NRG1: variants seen among roughly 807,000 people sequenced by gnomAD.
The protein encoded by NRG1 is neuregulin 1, also known as pro-neuregulin-1, membrane-bound isoform.
NRG1 carries 18 observed loss-of-function variants against 63.8 expected under a neutral mutation model. The ratio of observed to expected loss-of-function variants is 0.28; its 90% CI spans 0.19 to 0.42. The LOEUF (loss-of-function observed/expected upper bound fraction) is 0.42. Among genes scored for constraint, NRG1 ranks in the 10% least tolerant of loss-of-function variants. NRG1 has a pLI of 1.00. For missense variants in NRG1, 762 were observed against 814.7 expected, an observed-to-expected ratio of 0.94 and a Z score of 0.79; for synonymous variants, 302 against 301.3, an observed-to-expected ratio of 1.00 and a Z score of -0.02.
At chr8:32,361,284 C>T (rs1807178760) in intron 1 of NRG1, among the ~76,000 whole-genome samples, 1 of 152,056 alleles carries the variant, frequency 6.6e-6, no homozygotes, top group African/African-American at 2.4e-5. Context: ...GTGTGTTTGG[C>T]ATTTCTTTAG....
At chr8:32,458,613 T>C (rs1821912355) in intron 1 of NRG1, among the ~76,000 whole-genome samples, 1 of 152,214 alleles carries the variant, frequency 6.6e-6, no homozygotes, top group Non-Finnish European at 1.5e-5. Flanking sequence ...ATTTTCATCA[T>C]GTGTAGATAT....
intron 5 of NRG1, among the ~76,000 whole-genome samples, chr8:32,625,879 G>T (rs1014257259): frequency 6.9e-6 from 1 of 145,362 alleles, no homozygotes; most frequent in East Asian, 2.1e-4. Flanking sequence ...CTGCAACCTC[G>T]GCCTCCCGGG....
At position 31,814,590 on chromosome 8, in the gene NRG1, T is replaced by A. The variant is rs181268882; in HGVS notation, c.37+175159T>A. Among the ~76,000 whole-genome samples the A allele has an allele frequency of 2.2e-4, 34 of 151,888 alleles. No individual in the cohort carries two copies. The East Asian group carries it at 5.0e-3, about 22-fold the overall frequency. ...CATTGTGATTGTTCACTGGGAATAT[T>A]ATATGGCTGTGTGTGCCACTGTCCG... is the stretch of plus-strand genomic sequence containing the variant. On this transcript the variant is annotated intron_variant, in intron 1 of 10. Coordinates refer to the NRG1 transcript ENST00000519301.
intron 1 of NRG1, among the ~76,000 whole-genome samples, chr8:31,893,304 T>C (rs1428939799): frequency 6.6e-6 from 1 of 151,412 alleles, no homozygotes; most frequent in South Asian, 2.1e-4. Flanking sequence ...AAATTTCATA[T>C]AGATTTTAAG....
At chr8:31,749,792 T>C (rs563366652) in intron 1 of NRG1, among the ~76,000 whole-genome samples, 1 of 151,808 alleles carries the variant, frequency 6.6e-6, no homozygotes, top group East Asian at 1.9e-4. Flanking sequence ...GGATTACATA[T>C]ATCAGATAGA....
At chr8:32,622,523 C>A (rs1848518864) in intron 5 of NRG1, among the ~76,000 whole-genome samples, 2 of 152,108 alleles carry the variant, frequency 1.3e-5, no homozygotes, top group Non-Finnish European at 2.9e-5. Flanking sequence ...CTTCCTCAGC[C>A]TCCCTAGTAG....
chr8:32,412,418 C>CATATATATATATATATGTATATATATATA (rs1413382224), intron 1 of NRG1, among the ~76,000 whole-genome samples: 1 of 62,190 alleles, frequency 1.6e-5, no homozygotes, highest in Non-Finnish European at 3.9e-5. Flanking sequence ...CTCTCTCTCT[C>CATATATATATATATATGTATATATATATA]TCTACATATA....
rs113449381 is a variant in NRG1, at chr8:32,383,047, T to C, written c.38-212781T>C. ...GATCAGCCTGGGCAATGTAGCAAGA[T>C]TTCGTCCCTACTAAAAAAAAAAAAA... is the stretch of plus-strand genomic sequence containing the variant. On this transcript the variant is annotated intron_variant, in intron 1 of 10. Transcript: ENST00000519301. 2.5e-3 allele frequency among the ~76,000 whole-genome samples: 373 copies of C among 150,034 alleles called. 3 individuals are homozygous for C. The highest frequency in any genetic ancestry group is 8.9e-3 in the African/African-American group (362 of 40,604).
At chr8:31,696,828 T>G (rs761497890) in intron 1 of NRG1, among the ~76,000 whole-genome samples, 7 of 152,202 alleles carry the variant, frequency 4.6e-5, no homozygotes, top group Non-Finnish European at 1.0e-4. Context: ...CCTTTCATTA[T>G]TCTACACTGC....
chr8:31,806,942 A>G (rs892903315), intron 1 of NRG1, among the ~76,000 whole-genome samples: 6 of 152,236 alleles, frequency 3.9e-5, no homozygotes, highest in Non-Finnish European at 8.8e-5. Flanking sequence ...CTTGAGTACA[A>G]GTGTTGGCAA....
chr8:32,273,566 C>T (rs1419283329), intron 1 of NRG1, among the ~76,000 whole-genome samples: 2 of 152,160 alleles, frequency 1.3e-5, no homozygotes, highest in African/African-American at 2.4e-5. Flanking sequence ...TTTGTTCTGC[C>T]TGTGTTTAAT....
chr8:32,143,162 T>C lies in NRG1; in HGVS notation c.38-452666T>C, dbSNP rs565448709. 1.6e-3 allele frequency among the ~76,000 whole-genome samples: 245 copies of C among 152,272 alleles called. 3 individuals carry two copies. The highest frequency in any genetic ancestry group is 5.7e-3 in the African/African-American group (236 of 41,566). ...TTGGGGACAGTGGGATCCATGTGAC[T>C]TGCCTGCTACTGCCCTTGATTGGGC... is the stretch of plus-strand genomic sequence containing the variant. On this transcript the variant is annotated intron_variant, in intron 1 of 10. Transcript: ENST00000519301.
chr8:31,983,613 T>C (rs327366), intron 1 of NRG1, among the ~76,000 whole-genome samples: 128,826 of 152,034 alleles, frequency 0.85, 55,460 homozygotes, highest in African/African-American at 0.96. Context: ...AACTCCAGGG[T>C]TCATGTGATG....
chr8:32,544,289 T>C (rs569046756), upstream of NRG1, among the ~76,000 whole-genome samples: 4 of 152,280 alleles, frequency 2.6e-5, no homozygotes, highest in South Asian at 8.3e-4. Context: ...GTAAGTTTAA[T>C]TTTGCAGTAT....
intron 11 of NRG1, chr8:32,761,098 G>A (rs1830606381): frequency 2.1e-6 from 1 of 486,070 alleles, no homozygotes; most frequent in African/African-American, 2.1e-5. Flanking sequence ...TGGGTTGGGG[G>A]AGTTATAGCA....
In NRG1 at chr8:31,762,361, C is replaced by A. The variant is rs187440904; in HGVS notation, c.37+122930C>A. Among the ~76,000 whole-genome samples the A allele has an allele frequency of 1.7e-4, 26 of 152,314 alleles. No homozygotes were observed. The East Asian group carries it at 4.6e-3, about 27-fold the overall frequency. On this transcript the variant is annotated intron_variant, in intron 1 of 10. Transcript: ENST00000519301. ...GCTTCCAGCTTCATCCATGTACCTG[C>A]AGAAGACATTATCTCATTCCTTTTT...
chr8:32,220,446 G>A (rs554960438), intron 1 of NRG1, among the ~76,000 whole-genome samples: 2 of 152,066 alleles, frequency 1.3e-5, no homozygotes, highest in Non-Finnish European at 2.9e-5. Flanking sequence ...CTCGGGGTGG[G>A]AGCCTGGAAA....
chr8:32,016,271 C>T (rs1815525253), intron 1 of NRG1, among the ~76,000 whole-genome samples: 1 of 151,912 alleles, frequency 6.6e-6, no homozygotes, highest in African/African-American at 2.4e-5. Context: ...CTATGTTGCC[C>T]AGGCTGTTCT....
At chr8:32,252,947 C>A (rs1010029610) in intron 1 of NRG1, among the ~76,000 whole-genome samples, 2 of 152,146 alleles carry the variant, frequency 1.3e-5, no homozygotes, top group Non-Finnish European at 2.9e-5. Context: ...ATTTTATTCT[C>A]TTTGTAGCCA....
Sources: allele counts gnomAD v4.1 joint callset (sites outside exome capture counted in the v4.1 genomes callset), GRCh38; gene constraint gnomAD v4.1.1; transcripts MANE v1.5; gene names NCBI Gene and HGNC (gene_info 2026-07-23, HGNC 2026-07-21).